Variants in SGCD observed in about 807,000 individuals in gnomAD.
The protein encoded by SGCD is sarcoglycan delta.
SGCD carries 18 observed loss-of-function variants against 36.6 expected under a neutral mutation model. The observed-to-expected ratio is 0.49, with a 90% CI of 0.34 to 0.73. The LOEUF (loss-of-function observed/expected upper bound fraction) is 0.73, where lower values mean the gene tolerates loss of function less well. Ranked by LOEUF, SGCD falls within the 30% of genes least tolerant of loss-of-function variation. SGCD has a pLI of 0.01. For missense variants in SGCD, 387 were observed against 346.7 expected, an observed-to-expected ratio of 1.12 and a Z score of -0.92; for synonymous variants, 133 against 130.6, an observed-to-expected ratio of 1.02 and a Z score of -0.12.
chr5:156,573,481 T>G (rs1429768616), intron 4 of SGCD, among the ~76,000 whole-genome samples: 3 of 152,190 alleles, frequency 2.0e-5, no homozygotes, highest in Admixed American at 1.3e-4. Flanking sequence ...CAGCAGTTAC[T>G]TAGCCTTTCT....
intron 3 of SGCD, among the ~76,000 whole-genome samples, chr5:156,310,327 C>T (rs938437303): frequency 1.3e-5 from 2 of 152,170 alleles, no homozygotes; most frequent in African/African-American, 4.8e-5. Context: ...GAGGGTTGTG[C>T]AACAGTTGCT....
intron 3 of SGCD, among the ~76,000 whole-genome samples, chr5:156,478,020 G>GGAA (rs1264046787): frequency 6.6e-6 from 1 of 152,012 alleles, no homozygotes; most frequent in East Asian, 1.9e-4. Flanking sequence ...GGGAAATCCT[G>GGAA]GGAGAACAAT....
intron 7 of SGCD, among the ~76,000 whole-genome samples, chr5:156,726,481 A>T (rs1280004009): frequency 6.6e-6 from 1 of 152,216 alleles, no homozygotes; most frequent in Non-Finnish European, 1.5e-5. Context: ...CTCTAAACAC[A>T]GTTTTACCAT....
intron 1 of SGCD, among the ~76,000 whole-genome samples, chr5:155,991,116 G>T (rs79375969): frequency 1.3e-5 from 2 of 152,160 alleles, no homozygotes; most frequent in African/African-American, 4.8e-5. Context: ...TCTCAAGTCA[G>T]TGAGATTATT....
At chr5:156,236,117 T>G (rs941889881) in intron 3 of SGCD, among the ~76,000 whole-genome samples, 1 of 152,222 alleles carries the variant, frequency 6.6e-6, no homozygotes, top group Admixed American at 6.5e-5. Flanking sequence ...TATATTATCT[T>G]TAGTATTAGT....
intron 1 of SGCD, among the ~76,000 whole-genome samples, chr5:156,018,020 C>T (rs1197258400): frequency 1.3e-5 from 2 of 151,898 alleles, no homozygotes; most frequent in Non-Finnish European, 2.9e-5. Flanking sequence ...ATTATCTGGG[C>T]ATGGTGGTGA....
At chr5:156,583,749 A>T (rs1421768004) in intron 4 of SGCD, among the ~76,000 whole-genome samples, 1 of 152,234 alleles carries the variant, frequency 6.6e-6, no homozygotes, top group African/African-American at 2.4e-5. Context: ...TTGGTACAAG[A>T]ATAGATAAAT....
chr5:156,014,678 T>C (rs995491661), intron 1 of SGCD, among the ~76,000 whole-genome samples: 1 of 152,206 alleles, frequency 6.6e-6, no homozygotes, highest in African/African-American at 2.4e-5. Context: ...CTCAATATTG[T>C]CCCAGTAATG....
intron 1 of SGCD, among the ~76,000 whole-genome samples, chr5:156,117,684 C>A (rs1490785129): frequency 6.6e-6 from 1 of 152,082 alleles, no homozygotes; most frequent in Non-Finnish European, 1.5e-5. Context: ...AGAAGAAGCA[C>A]TGAGAGGTTA....
intron 1 of SGCD, among the ~76,000 whole-genome samples, chr5:155,960,998 GGAAGA>G (rs1201598993): frequency 1.3e-5 from 2 of 152,074 alleles, no homozygotes; most frequent in African/African-American, 4.8e-5. Flanking sequence ...TAAGTGGTTT[GGAAGA>G]GAAGAGAAAT....
At chr5:156,651,984 ATCT>A (rs1445509003) in intron 7 of SGCD, among the ~76,000 whole-genome samples, 21 of 151,918 alleles carry the variant, frequency 1.4e-4, no homozygotes, top group East Asian at 3.9e-4. Context: ...CCTTGTAGAG[ATCT>A]TCTTCTTCCT....
the SGCD span, among the ~76,000 whole-genome samples, chr5:155,729,701 C>G: frequency 1.3e-5 from 2 of 152,176 alleles, no homozygotes; most frequent in Admixed American, 6.5e-5. Context: ...TCTGCTGCTT[C>G]TAGGGGTGCA....
intron 1 of SGCD, among the ~76,000 whole-genome samples, chr5:155,873,657 T>C (rs528190541): frequency 6.6e-6 from 1 of 152,274 alleles, no homozygotes; most frequent in South Asian, 2.1e-4. Flanking sequence ...AAACTGCCCT[T>C]GTGCTTCCTA....
intron 3 of SGCD, among the ~76,000 whole-genome samples, chr5:156,429,149 T>C (rs890223566): frequency 3.3e-5 from 5 of 152,062 alleles, no homozygotes; most frequent in Non-Finnish European, 7.4e-5. Flanking sequence ...TTCTTAGGTC[T>C]AGTAGTAATT....
At chr5:155,968,572 G>A (rs1453729314) in intron 1 of SGCD, among the ~76,000 whole-genome samples, 9 of 152,026 alleles carry the variant, frequency 5.9e-5, no homozygotes, top group Admixed American at 5.3e-4. Context: ...ATCTCTTATA[G>A]TGTGTAATTT....
intron 1 of SGCD, among the ~76,000 whole-genome samples, chr5:155,905,862 C>A (rs1756499064): frequency 6.6e-6 from 1 of 152,138 alleles, no homozygotes; most frequent in African/African-American, 2.4e-5. Context: ...GAGGCCTCCC[C>A]AGCCACGTGG....
the SGCD span, among the ~76,000 whole-genome samples, chr5:155,827,376 A>G: frequency 6.6e-6 from 1 of 152,154 alleles, no homozygotes; most frequent in Non-Finnish European, 1.5e-5. Flanking sequence ...GGTTTCTTGT[A>G]TGGTGTCCAC....
intron 1 of SGCD, among the ~76,000 whole-genome samples, chr5:155,960,680 T>C (rs1757775247): frequency 6.6e-6 from 1 of 152,116 alleles, no homozygotes. Flanking sequence ...TAGAAGCACC[T>C]TCTTCCTTGG....
intron 3 of SGCD, among the ~76,000 whole-genome samples, chr5:156,432,328 A>G (rs1202565640): frequency 6.6e-6 from 1 of 152,074 alleles, no homozygotes; most frequent in Non-Finnish European, 1.5e-5. Context: ...ATTGGCTGTT[A>G]TTTTCTCTTT....
Sources: allele counts gnomAD v4.1 joint callset (sites outside exome capture counted in the v4.1 genomes callset), GRCh38; gene constraint gnomAD v4.1.1; transcripts MANE v1.5; gene names NCBI Gene and HGNC (gene_info 2026-07-23, HGNC 2026-07-21).